The following EEFSEC variants were observed in gnomAD, a reference collection of about 807,000 sequenced individuals.
The protein encoded by EEFSEC is eukaryotic elongation factor, selenocysteine-tRNA specific, also known as selenocysteine-specific elongation factor.
Under a neutral mutation model 42.1 loss-of-function variants are expected in EEFSEC, and 43 were observed. That is an observed-to-expected ratio of 1.02 (90% confidence interval 0.80 to 1.32). The LOEUF is 1.32. EEFSEC is among the 40% of genes most tolerant of loss of function. The probability of loss-of-function intolerance (pLI) is 0.00; values close to 1 mark genes in which losing one functional copy is unlikely to be tolerated. For synonymous variants in EEFSEC, 354 were observed against 339.1 expected (o/e 1.04, Z -0.48); for missense variants, 745 against 803.6 (o/e 0.93, Z 0.88).
intron 1 of EEFSEC, among the ~76,000 whole-genome samples, chr3:128,235,415 T>C (rs1335089686): frequency 6.6e-6 from 1 of 152,186 alleles, no homozygotes; most frequent in African/African-American, 2.4e-5. Context: ...CAGTAACGTA[T>C]GTATGTACAT....
At chr3:128,214,758 A>C (rs759869250) in intron 1 of EEFSEC, among the ~76,000 whole-genome samples, 9 of 152,212 alleles carry the variant, frequency 5.9e-5, no homozygotes, top group Non-Finnish European at 1.2e-4. Context: ...ATTACCTGGG[A>C]TCTCTTCATT....
chr3:128,344,163 G>T (rs1559931309), intron 5 of EEFSEC, among the ~76,000 whole-genome samples: 1 of 152,254 alleles, frequency 6.6e-6, no homozygotes, highest in Non-Finnish European at 1.5e-5. Context: ...GCTGTAGGCT[G>T]GGGCTTCTGT....
chr3:128,227,286 C>A (rs1342047951), intron 1 of EEFSEC, among the ~76,000 whole-genome samples: 1 of 152,180 alleles, frequency 6.6e-6, no homozygotes, highest in Non-Finnish European at 1.5e-5. Flanking sequence ...ATTTTACTTA[C>A]TTTTTGTGAC....
At chr3:128,254,395 G>C (rs887473241) in intron 2 of EEFSEC, among the ~76,000 whole-genome samples, 1 of 152,148 alleles carries the variant, frequency 6.6e-6, no homozygotes, top group South Asian at 2.1e-4. Flanking sequence ...AGGGCTCCTC[G>C]TGAGTTCCAC....
chr3:128,207,652 A>T (rs1467473764), intron 1 of EEFSEC, among the ~76,000 whole-genome samples: 1 of 151,840 alleles, frequency 6.6e-6, no homozygotes, highest in Admixed American at 6.5e-5. Context: ...TTTTGACTTA[A>T]TGTTTTTGTT....
intron 1 of EEFSEC, among the ~76,000 whole-genome samples, chr3:128,220,409 C>T (rs930163043): frequency 1.3e-5 from 2 of 152,158 alleles, no homozygotes; most frequent in Non-Finnish European, 2.9e-5. Context: ...CCCCAGCACA[C>T]GTAGAGACCA....
intron 6 of EEFSEC, among the ~76,000 whole-genome samples, chr3:128,390,388 G>A (rs2067893953): frequency 6.6e-6 from 1 of 152,258 alleles, no homozygotes; most frequent in South Asian, 2.1e-4. Context: ...TGCATGTGGG[G>A]AAGGGACCTT....
chr3:128,249,778 G>T lies in EEFSEC; in HGVS notation c.524+2735G>T, dbSNP rs555251595. ...ATGTGTCAGAATTTCACTCCTTTTT[G>T]TGGTTGCATAGTGTTTTATTATGTC... On this transcript the variant is annotated intron_variant, in intron 2 of 6. Transcript: ENST00000254730. Among the ~76,000 whole-genome samples, 9 of 152,106 alleles carry T rather than the reference G, an allele frequency of 5.9e-5. No homozygotes were observed. In the East Asian group the frequency reaches 1.7e-3, roughly 29 times the overall value.
chr3:128,378,180 G>A (rs57804717), intron 6 of EEFSEC, among the ~76,000 whole-genome samples: 10,794 of 152,210 alleles, frequency 0.071, 785 homozygotes, highest in African/African-American at 0.19. Context: ...CAATCCAGAG[G>A]CACCTCTACC....
intron 4 of EEFSEC, among the ~76,000 whole-genome samples, chr3:128,310,670 A>G (rs987432373): frequency 6.6e-6 from 1 of 152,272 alleles, no homozygotes; most frequent in Non-Finnish European, 1.5e-5. Context: ...TTTACAAAAT[A>G]GTATCCTTAC....
chr3:128,409,925 AG>A (rs2068162538), downstream of EEFSEC, among the ~76,000 whole-genome samples: 1 of 152,216 alleles, frequency 6.6e-6, no homozygotes. Context: ...CACTCCGCCC[AG>A]GAAACTGGCA....
chr3:128,419,036 T>TA, the EEFSEC span, among the ~76,000 whole-genome samples: 1 of 152,268 alleles, frequency 6.6e-6, no homozygotes, highest in African/African-American at 2.4e-5. Flanking sequence ...GTCAAACTGG[T>TA]AAAAATTTTT....
intron 5 of EEFSEC, among the ~76,000 whole-genome samples, chr3:128,342,998 A>C (rs1450241125): frequency 6.6e-6 from 1 of 152,224 alleles, no homozygotes; most frequent in Non-Finnish European, 1.5e-5. Flanking sequence ...CTGGGACATG[A>C]CTGGGCTTTG....
At chr3:128,419,264 A>T in the EEFSEC span, among the ~76,000 whole-genome samples, 1 of 152,190 alleles carries the variant, frequency 6.6e-6, no homozygotes, top group African/African-American at 2.4e-5. Flanking sequence ...GGAGAAAAAA[A>T]ATGGCAATGT....
intron 6 of EEFSEC, among the ~76,000 whole-genome samples, chr3:128,375,835 C>T (rs1243073268): frequency 6.6e-6 from 1 of 152,242 alleles, no homozygotes; most frequent in Non-Finnish European, 1.5e-5. Context: ...GTGGCCTGCA[C>T]ATGCTCACTG....
chr3:128,421,787 C>T, the EEFSEC span, among the ~76,000 whole-genome samples: 1 of 152,158 alleles, frequency 6.6e-6, no homozygotes. Context: ...CCTGGCTGAC[C>T]TGTGGGCACC....
intron 6 of EEFSEC, among the ~76,000 whole-genome samples, chr3:128,394,382 T>C (rs2067954670): frequency 6.6e-6 from 1 of 152,148 alleles, no homozygotes; most frequent in Non-Finnish European, 1.5e-5. Flanking sequence ...GTGCTACATA[T>C]GGGCTCTGGA....
intron 1 of EEFSEC, among the ~76,000 whole-genome samples, chr3:128,174,347 A>C (rs1207902808): frequency 6.6e-6 from 1 of 152,242 alleles, no homozygotes; most frequent in East Asian, 1.9e-4. Flanking sequence ...GCATTGTAGT[A>C]GGCATTTAAT....
chr3:128,411,512 A>C (rs557570257), downstream of EEFSEC, among the ~76,000 whole-genome samples: 2 of 151,760 alleles, frequency 1.3e-5, no homozygotes, highest in African/African-American at 4.8e-5. Flanking sequence ...CTTGGAAAAG[A>C]GGTGCCCTCT....
Sources: gnomAD v4.1 joint callset for allele counts (sites outside exome capture counted in the v4.1 genomes callset) on GRCh38, gnomAD v4.1.1 for gene constraint, MANE v1.5 for transcripts, NCBI Gene and HGNC (gene_info 2026-07-23, HGNC 2026-07-21) for gene names.